TBC1D8B: variants seen among roughly 807,000 people sequenced by gnomAD.
The protein encoded by TBC1D8B is RP11-321G1.1.
TBC1D8B carries 75 observed loss-of-function variants against 82.9 expected under a neutral mutation model. That is an observed-to-expected ratio of 0.90 (90% CI 0.75 to 1.10). The LOEUF is 1.10. Ranked by LOEUF, TBC1D8B falls within the 50% of genes least tolerant of loss-of-function variation. The probability of loss-of-function intolerance (pLI) is 0.00; values close to 1 mark genes in which losing one functional copy is unlikely to be tolerated. For missense variants in TBC1D8B, 794 were observed against 796.9 expected (o/e 1.00, Z 0.04); for synonymous variants, 276 against 276.8 (o/e 1.00, Z 0.03).
At chrX:106,841,221 A>C (rs1392478423) in intron 10 of TBC1D8B, among the ~76,000 whole-genome samples, 1 of 111,953 alleles carries the variant, frequency 8.9e-6, no homozygotes, top group African/African-American at 3.2e-5. Flanking sequence ...AGAAACAAAA[A>C]TCAAGTGAGA....
At chrX:106,859,855 G>T (rs1374621971) in intron 14 of TBC1D8B, among the ~76,000 whole-genome samples, 2 of 111,822 alleles carry the variant, frequency 1.8e-5, no homozygotes, top group Admixed American at 9.5e-5. Flanking sequence ...TTATTATTTT[G>T]AGATACAGTT....
chrX:106,868,438 T>C lies in TBC1D8B; in HGVS notation c.2774T>C (p.Leu925Pro). 1 of 1,004,044 alleles carries C rather than the reference T, an allele frequency of 1.0e-6. No individual in the cohort carries two copies. 82.7% of individuals were successfully genotyped at this position (1,004,044 alleles called of 1,213,427 possible). A position where few individuals can be genotyped will look rare whatever the true frequency, so the allele number is the denominator to read the frequency against. Residue 925 changes from leucine (L) to proline (P), a missense_variant, in exon 18 of 21, where the codon CTT (leucine) becomes CCT (proline). Physicochemically the swap from Leu to Pro is moderately conservative, Grantham distance 98. Coordinates refer to ENST00000357242, the MANE Select transcript of TBC1D8B (RefSeq NM_017752.3). Reference protein sequence around the residue: ...KSKDASKGDELSKEELLYFSQ... With the variant: ...KSKDASKGDEPSKEELLYFSQ... ...AAGGATGCTTCAAAAGGAGATGAAC[T>C]TTCCAAGGAAGAATTACTTTATTTC...
At chrX:106,846,829 A>G (rs1490409688) in intron 10 of TBC1D8B, among the ~76,000 whole-genome samples, 1 of 112,255 alleles carries the variant, frequency 8.9e-6, no homozygotes, top group Non-Finnish European at 1.9e-5. Context: ...TAATCACAGA[A>G]GAGAAAATAC....
intron 7 of TBC1D8B, among the ~76,000 whole-genome samples, chrX:106,835,656 C>T (rs1205871984): frequency 1.8e-5 from 2 of 111,760 alleles, no homozygotes; most frequent in Admixed American, 1.9e-4. Context: ...AAATTTCTTC[C>T]ATCAGATATC....
At chrX:106,873,456 A>C (rs1932863534) in intron 20 of TBC1D8B, 114 bp from the exon 21 acceptor site, 3 of 781,521 alleles carry the variant, frequency 3.8e-6, no homozygotes, top group Non-Finnish European at 3.6e-6. Flanking sequence ...TATAACTTCT[A>C]GGGTGAAGCT....
chrX:106,842,732 G>A (rs112595895), intron 10 of TBC1D8B, among the ~76,000 whole-genome samples: 7 of 109,403 alleles, frequency 6.4e-5, no homozygotes, highest in Admixed American at 9.8e-5. Flanking sequence ...TACCACAAAC[G>A]TCACCCCTTT....
intron 14 of TBC1D8B, among the ~76,000 whole-genome samples, chrX:106,861,666 T>C (rs1488090257): frequency 8.9e-6 from 1 of 111,837 alleles, no homozygotes; most frequent in African/African-American, 3.2e-5. Flanking sequence ...TGCATCTCAC[T>C]ATCTTATCCA....
Position 106,835,402 on chromosome X carries a change from C to T in TBC1D8B, c.1204-3906C>T, listed in dbSNP as rs112178487. On this transcript the variant is annotated intron_variant, in intron 7 of 20. Transcript: ENST00000357242. The stretch of plus-strand genomic sequence containing the variant: ...GCAGGGGGGCCCTGGGCCAGGTTCA[C>T]GAAACCATTTTTCCCTCCTAGGCTT... 4.6e-3 allele frequency among the ~76,000 whole-genome samples: 519 copies of T among 112,160 alleles called. 2 individuals carry two copies. Among genetic ancestry groups the T allele is most frequent in the Middle Eastern group, 0.027 (6 of 219 alleles).
intron 14 of TBC1D8B, among the ~76,000 whole-genome samples, chrX:106,858,628 C>A (rs2147767646): frequency 8.9e-6 from 1 of 112,276 alleles, no homozygotes; most frequent in Admixed American, 9.4e-5. Context: ...TTGTCAGATG[C>A]ATAGTTTGCA....
chrX:106,864,841 A>G (rs1932803456), intron 14 of TBC1D8B, among the ~76,000 whole-genome samples: 1 of 111,686 alleles, frequency 9.0e-6, no homozygotes, highest in Non-Finnish European at 1.9e-5. Context: ...TGACTTCTGT[A>G]TCCATGCTTA....
chrX:106,866,821 C>T lies in TBC1D8B; in HGVS notation c.2687C>T (p.Thr896Ile). Residue 896 changes from threonine to isoleucine, a missense_variant, in exon 17 of 21, where the codon ACT (threonine) becomes ATT (isoleucine). Coordinates refer to ENST00000357242, the MANE Select transcript of TBC1D8B (RefSeq NM_017752.3). ...AIDIMYNGSF[T>I]EKLKLLFKLH... ...GACATAATGTACAATGGAAGTTTTACTGAGAAGCTTAAGCTGCTTTTTAAG... is the reference window on the plus strand; with the variant it reads ...GACATAATGTACAATGGAAGTTTTATTGAGAAGCTTAAGCTGCTTTTTAAG... The T allele has an allele frequency of 8.4e-7, 1 of 1,185,388 alleles. No individual in the cohort carries two copies. Among genetic ancestry groups the T allele is most frequent in the Non-Finnish European group, 1.1e-6 (1 of 880,715 alleles).
At chrX:106,844,290 T>C (rs1384069178) in intron 10 of TBC1D8B, among the ~76,000 whole-genome samples, 1 of 109,486 alleles carries the variant, frequency 9.1e-6, no homozygotes, top group Non-Finnish European at 1.9e-5. Context: ...GTTATTTATC[T>C]TAAGGGGAGT....
At chrX:106,849,772 T>C (rs1932548373) in intron 11 of TBC1D8B, 1 of 862,627 alleles carries the variant, frequency 1.2e-6, no homozygotes, top group South Asian at 5.7e-5. Context: ...GTATAGCTCT[T>C]ATAATACCTA....
intron 2 of TBC1D8B, among the ~76,000 whole-genome samples, chrX:106,820,098 A>G (rs1468702149): frequency 5.4e-5 from 6 of 111,348 alleles, no homozygotes; most frequent in African/African-American, 1.9e-4. Flanking sequence ...TATAAAATAT[A>G]CTAAAAAGTC....
intron 5 of TBC1D8B, 58 bp from the exon 6 acceptor site, chrX:106,825,972 C>G: frequency 9.4e-7 from 1 of 1,061,620 alleles, no homozygotes; most frequent in East Asian, 3.0e-5. Flanking sequence ...ATATGTATAC[C>G]TTAGAATTCA....
At position 106,833,315 on chromosome X, in the gene TBC1D8B, T is replaced by C. The variant is rs1219210960; in HGVS notation, c.1203+5978T>C. 7.2e-5 allele frequency among the ~76,000 whole-genome samples: 8 copies of C among 111,693 alleles called. No individual in the cohort carries two copies. In the Admixed American group the frequency reaches 7.6e-4, roughly 11 times the overall value. ...ATAGAGTTAACAATCTATGTTGCTTTCTAGATGTGATTGGATTTTGCTCAG... is the reference window on the plus strand; with the variant it reads ...ATAGAGTTAACAATCTATGTTGCTTCCTAGATGTGATTGGATTTTGCTCAG... On this transcript the variant is annotated intron_variant, in intron 7 of 20. Transcript: ENST00000357242.
chrX:106,802,839 G>C lies in TBC1D8B; in HGVS notation c.-15G>C. The C allele has an allele frequency of 8.3e-7, 1 of 1,210,465 alleles. No homozygotes were observed. The highest frequency in any genetic ancestry group is 1.8e-5 in the South Asian group (1 of 56,850). ...GGCATCTAGGTCACTGCTCCCGGGGGGCACAAAGTTCGCGATGTGGCTGAA... is the reference window on the plus strand; with the variant it reads ...GGCATCTAGGTCACTGCTCCCGGGGCGCACAAAGTTCGCGATGTGGCTGAA... On this transcript the variant is annotated 5_prime_UTR_variant, in exon 1 of 21. Coordinates refer to ENST00000357242, the MANE Select transcript of TBC1D8B (RefSeq NM_017752.3).
chrX:106,823,682 G>A, intron 5 of TBC1D8B, among the ~76,000 whole-genome samples: 1 of 111,068 alleles, frequency 9.0e-6, no homozygotes, highest in Non-Finnish European at 1.9e-5. Context: ...AATAATAGAA[G>A]TTAGATTTGA....
chrX:106,849,350 A>G (rs1932539564), intron 11 of TBC1D8B: 1 of 1,097,620 alleles, frequency 9.1e-7, no homozygotes. Flanking sequence ...TCTTTCTCCA[A>G]TTTTCTACTA....
Sources: gnomAD v4.1 joint callset for allele counts (sites outside exome capture counted in the v4.1 genomes callset) on GRCh38, gnomAD v4.1.1 for gene constraint, MANE v1.5 for transcripts, NCBI Gene and HGNC (gene_info 2026-07-23, HGNC 2026-07-21) for gene names.